Variants in CNTN1 observed in about 807,000 individuals in gnomAD.
The protein encoded by CNTN1 is contactin 1, also known as contactin-1.
In CNTN1, 38 loss-of-function variants were observed where a neutral mutation model predicts 126.4. The observed-to-expected ratio is 0.30, with a 90% CI of 0.23 to 0.39. CNTN1 has a LOEUF of 0.39. Ranked by LOEUF, CNTN1 falls within the 10% of genes least tolerant of loss-of-function variation. The pLI is 1.00. For synonymous variants in CNTN1, 413 were observed against 422.6 expected (o/e 0.98, Z 0.28); for missense variants, 1,009 against 1,248.4 (o/e 0.81, Z 2.89).
intron 1 of CNTN1, among the ~76,000 whole-genome samples, chr12:40,859,788 T>C (rs1190788210): frequency 6.6e-6 from 1 of 152,138 alleles, no homozygotes; most frequent in Non-Finnish European, 1.5e-5. Flanking sequence ...GTCACTTTAT[T>C]ATAAAATTAC....
At chr12:40,806,273 C>T (rs569184971) in intron 1 of CNTN1, among the ~76,000 whole-genome samples, 25 of 152,062 alleles carry the variant, frequency 1.6e-4, no homozygotes, top group African/African-American at 5.8e-4. Context: ...GAGAGTTTCC[C>T]GCCAATCCTT....
At chr12:41,017,022 A>G in intron 19 of CNTN1, 106 bp downstream of exon 19, 1 of 852,178 alleles carries the variant, frequency 1.2e-6, no homozygotes, top group East Asian at 2.6e-5. Flanking sequence ...AGACCTTTTT[A>G]TAGCATTATG....
Position 41,025,224 on chromosome 12 carries a change from C to G in CNTN1, c.2598C>G (p.Ala866=), listed in dbSNP as rs140462332. Residue 866 remains alanine (A), a synonymous_variant, in exon 21 of 24, where the codon GCC becomes GCG. Transcript: ENST00000551295. Reference sequence around the variant, plus strand: ...AAGTCACCAGCCAAGAGTACTCGGCCAGGCTCGAGAACCTTCTGCCAGACA... The same window carrying G: ...AAGTCACCAGCCAAGAGTACTCGGCGAGGCTCGAGAACCTTCTGCCAGACA... The part of the protein sequence containing the change: ...RVQVTSQEYS[A]RLENLLPDTQ... 346 of 1,613,946 alleles carry G rather than the reference C, an allele frequency of 2.1e-4. 1 individual carries two copies. The African/African-American group carries it at 3.4e-3, about 16-fold the overall frequency.
At chr12:40,932,509 T>C (rs1319359489) in intron 7 of CNTN1, among the ~76,000 whole-genome samples, 1 of 152,016 alleles carries the variant, frequency 6.6e-6, no homozygotes, top group Non-Finnish European at 1.5e-5. Context: ...ATATTACCTA[T>C]TGAGAAAATT....
intron 4 of CNTN1, among the ~76,000 whole-genome samples, chr12:40,921,470 A>C (rs1427723433): frequency 1.5e-4 from 23 of 152,156 alleles, no homozygotes; most frequent in Admixed American, 1.5e-3. Context: ...TCACATCAGA[A>C]AGTTAGATCC....
chr12:40,702,611 A>AT (rs1941629423), intron 1 of CNTN1, among the ~76,000 whole-genome samples: 1 of 151,872 alleles, frequency 6.6e-6, no homozygotes, highest in South Asian at 2.1e-4. Flanking sequence ...TGCTCCGCTA[A>AT]TTTTTTGTAT....
intron 23 of CNTN1, among the ~76,000 whole-genome samples, chr12:41,047,036 T>C (rs1363046623): frequency 6.6e-6 from 1 of 151,864 alleles, no homozygotes; most frequent in Non-Finnish European, 1.5e-5. Context: ...ATTTTATGTG[T>C]CCACATCCAG....
chr12:40,721,203 A>C (rs1055625247), intron 1 of CNTN1, among the ~76,000 whole-genome samples: 5 of 152,114 alleles, frequency 3.3e-5, no homozygotes, highest in African/African-American at 9.7e-5. Context: ...TACATAAAGG[A>C]TATAATGCAT....
intron 1 of CNTN1, among the ~76,000 whole-genome samples, chr12:40,753,663 C>G (rs1476040209): frequency 6.6e-6 from 1 of 152,042 alleles, no homozygotes; most frequent in Non-Finnish European, 1.5e-5. Flanking sequence ...CCAATAGGTC[C>G]CTCCTATAAC....
intron 1 of CNTN1, among the ~76,000 whole-genome samples, chr12:40,786,576 A>C (rs1179984560): frequency 1.3e-5 from 2 of 152,294 alleles, no homozygotes; most frequent in Admixed American, 6.5e-5. Flanking sequence ...TATTAGTAGA[A>C]GTATGGGCAT....
intron 1 of CNTN1, among the ~76,000 whole-genome samples, chr12:40,711,756 TG>T (rs1231406535): frequency 6.6e-6 from 1 of 152,044 alleles, no homozygotes; most frequent in Non-Finnish European, 1.5e-5. Context: ...CTGTCTTCCA[TG>T]CTGGAGTGCA....
intron 1 of CNTN1, among the ~76,000 whole-genome samples, chr12:40,755,032 C>T (rs907771176): frequency 6.6e-6 from 1 of 151,300 alleles, no homozygotes; most frequent in Non-Finnish European, 1.5e-5. Context: ...CTCTACAAAA[C>T]ATAAAAAAGT....
intron 1 of CNTN1, among the ~76,000 whole-genome samples, chr12:40,781,561 A>T (rs1939805762): frequency 6.6e-6 from 1 of 151,938 alleles, no homozygotes; most frequent in South Asian, 2.1e-4. Flanking sequence ...TTATTTTATT[A>T]TCTTGTATGG....
intron 1 of CNTN1, among the ~76,000 whole-genome samples, chr12:40,773,696 C>CATATATATATATATATATACACATATAT (rs1565716116): frequency 5.0e-4 from 10 of 19,878 alleles, no homozygotes; most frequent in African/African-American, 8.3e-4. Flanking sequence ...TATATATACA[C>CATATATATATATATATATACACATATAT]ATATATATAT....
At chr12:40,891,593 G>A (rs186136080) in intron 1 of CNTN1, among the ~76,000 whole-genome samples, 27 of 152,030 alleles carry the variant, frequency 1.8e-4, no homozygotes, top group African/African-American at 6.5e-4. Flanking sequence ...AATTTTTTTT[G>A]TTGTTGCGCA....
Position 40,902,949 on chromosome 12 carries a change from TG to T in CNTN1, c.-76-5407del, listed in dbSNP as rs1433996764. Among the ~76,000 whole-genome samples the T allele has an allele frequency of 6.6e-5, 10 of 152,146 alleles. No individual in the cohort carries two copies. In the South Asian group the frequency reaches 1.9e-3, roughly 28 times the overall value. ...AGGAAAGAGGGAGCAGGAAGAAGAA[TG>T]ACAAGTAGAGGAAGAGAGAAGGAGA... is the stretch of plus-strand genomic sequence containing the variant. On this transcript the variant is annotated intron_variant, in intron 1 of 23. Transcript: ENST00000551295.
chr12:41,007,424 C>T (rs972596004), intron 17 of CNTN1, among the ~76,000 whole-genome samples: 7 of 152,150 alleles, frequency 4.6e-5, no homozygotes, highest in African/African-American at 1.7e-4. Context: ...GCAGCTATAT[C>T]ACCTGGGGTA....
chr12:40,783,539 C>A (rs1236997549), intron 1 of CNTN1, among the ~76,000 whole-genome samples: 1 of 152,068 alleles, frequency 6.6e-6, no homozygotes, highest in Non-Finnish European at 1.5e-5. Context: ...TAGAACACAA[C>A]TCTAGTAAAC....
intron 1 of CNTN1, among the ~76,000 whole-genome samples, chr12:40,702,163 T>C (rs1397915977): frequency 6.6e-6 from 1 of 151,902 alleles, no homozygotes; most frequent in Non-Finnish European, 1.5e-5. Context: ...CTCGGACTCC[T>C]GGTCTCAAAC....
Sources: allele counts gnomAD v4.1 joint callset (sites outside exome capture counted in the v4.1 genomes callset), GRCh38; gene constraint gnomAD v4.1.1; transcripts MANE v1.5; gene names NCBI Gene and HGNC (gene_info 2026-07-23, HGNC 2026-07-21).